TMEM44: variants seen among roughly 807,000 people sequenced by gnomAD.
TMEM44 encodes transmembrane protein 44.
TMEM44 carries 43 observed loss-of-function variants against 47.8 expected under a neutral mutation model. The ratio of observed to expected loss-of-function variants is 0.90; its 90% CI spans 0.70 to 1.16. The LOEUF is 1.16. Ranked by LOEUF, TMEM44 falls within the 50% of genes most tolerant of loss-of-function variation. The probability of loss-of-function intolerance (pLI) is 0.00; values close to 1 mark genes in which losing one functional copy is unlikely to be tolerated. For synonymous variants in TMEM44, 277 were observed against 238.8 expected, an observed-to-expected ratio of 1.16 and a Z score of -1.48; for missense variants, 568 against 555.2, an observed-to-expected ratio of 1.02 and a Z score of -0.23.
chr3:194,590,738 T>C (rs915967005), intron 9 of TMEM44, among the ~76,000 whole-genome samples: 4 of 152,076 alleles, frequency 2.6e-5, no homozygotes, highest in African/African-American at 4.8e-5. Flanking sequence ...AGACCTAAGG[T>C]TTGGCATTTT....
intron 9 of TMEM44, among the ~76,000 whole-genome samples, chr3:194,598,344 G>A (rs185214429): frequency 1.6e-4 from 24 of 152,194 alleles, no homozygotes; most frequent in East Asian, 1.9e-4. Context: ...CCGTTTTCTC[G>A]TCTGTAAAAT....
rs114422445 is a variant in TMEM44 at position 194,622,968 on chromosome 3, T to C, written c.612+256A>G. 834 of 396,652 alleles carry C rather than the reference T, an allele frequency of 2.1e-3. 8 individuals are homozygous for C. Among genetic ancestry groups the C allele is most frequent in the African/African-American group, 0.017 (784 of 46,624 alleles). 24.6% of individuals were successfully genotyped at this position (396,652 alleles called of 1,614,324 possible). A position where few individuals can be genotyped will look rare whatever the true frequency, so the allele number is the denominator to read the frequency against. ...CTCAGAGCCTGCTTTTCATTTGCTA[T>C]AGGAAATGGGGAAGAACACACGGGC... On this transcript the variant is annotated intron_variant, in intron 5 of 9. Coordinates refer to ENST00000347147, the MANE Select transcript of TMEM44 (RefSeq NM_001011655.3).
At position 194,616,374 on chromosome 3, in the gene TMEM44, G is replaced by T. The variant is rs564298487; in HGVS notation, c.784-677C>A. ...GCCCAGACTGTGACCTTATTCGGAAGTAGGGTCCTTGCTGATACAATTAGA... is the reference window on the plus strand; with the variant it reads ...GCCCAGACTGTGACCTTATTCGGAATTAGGGTCCTTGCTGATACAATTAGA... On this transcript the variant is annotated intron_variant, in intron 6 of 9. Coordinates refer to ENST00000347147, the MANE Select transcript of TMEM44 (RefSeq NM_001011655.3). The T allele has an allele frequency of 1.5e-4, 49 of 332,570 alleles. 1 individual carries two copies. Among genetic ancestry groups the T allele is most frequent in the South Asian group, 1.1e-3 (49 of 43,682 alleles). The allele number at this position is 332,570 out of a possible 1,614,324, so 20.6% of individuals were successfully genotyped here.
Position 194,588,521 on chromosome 3 carries a change from A to G in TMEM44, c.*8T>C. ...GGCTCTGAGCTGATGAGCTGGCTCC[A>G]GAAGGTGTTAATCATCATCACTCAG... On this transcript the variant is annotated 3_prime_UTR_variant, in exon 10 of 10. Transcript: ENST00000347147. The G allele has an allele frequency of 1.2e-6, 2 of 1,613,374 alleles. No homozygotes were observed. The highest frequency in any genetic ancestry group is 1.7e-6 in the Non-Finnish European group (2 of 1,179,416).
At chr3:194,601,709 A>G (rs998739987) in intron 9 of TMEM44, among the ~76,000 whole-genome samples, 37 of 151,762 alleles carry the variant, frequency 2.4e-4, no homozygotes, top group African/African-American at 8.5e-4. Context: ...CTGCCTCCCA[A>G]AAAGTGCTAG....
chr3:194,619,064 C>T (rs1176010075), intron 5 of TMEM44, among the ~76,000 whole-genome samples: 1 of 152,268 alleles, frequency 6.6e-6, no homozygotes, highest in African/African-American at 2.4e-5. Context: ...CCTAACCACC[C>T]ACCACCATGT....
intron 9 of TMEM44, among the ~76,000 whole-genome samples, chr3:194,599,403 C>T (rs181257076): frequency 4.5e-4 from 68 of 152,266 alleles, no homozygotes; most frequent in Non-Finnish European, 7.9e-4. Flanking sequence ...CGCCCACCTT[C>T]GGCCGCAGAC....
At chr3:194,620,056 C>T (rs559159158) in intron 5 of TMEM44, among the ~76,000 whole-genome samples, 18 of 152,152 alleles carry the variant, frequency 1.2e-4, no homozygotes, top group Admixed American at 9.2e-4. Context: ...TTTGGAAGGC[C>T]GAGGCGGGTG....
intron 1 of TMEM44, among the ~76,000 whole-genome samples, chr3:194,632,125 A>T (rs1717885369): frequency 6.6e-6 from 1 of 152,168 alleles, no homozygotes; most frequent in Non-Finnish European, 1.5e-5. Flanking sequence ...GGTTCCCTAC[A>T]GAAAGTGGGG....
chr3:194,606,952 C>CAAAAAAAAA (rs561876150), intron 8 of TMEM44, among the ~76,000 whole-genome samples: 4,415 of 111,282 alleles, frequency 0.04, 425 homozygotes, highest in East Asian at 0.14. Flanking sequence ...GACTCTGCCT[C>CAAAAAAAAA]AAAAAAAAAA....
At chr3:194,624,243 G>A (rs1419734370) in intron 3 of TMEM44, among the ~76,000 whole-genome samples, 5 of 152,124 alleles carry the variant, frequency 3.3e-5, no homozygotes, top group Non-Finnish European at 7.4e-5. Context: ...TGCCCAGGCT[G>A]GACTTGAACT....
At chr3:194,616,508 C>A (rs1243194036) in intron 6 of TMEM44, 1 of 448,168 alleles carries the variant, frequency 2.2e-6, no homozygotes, top group Non-Finnish European at 4.5e-6. Context: ...ACATGAAGGG[C>A]AAGGCAGAAA....
At chr3:194,617,660 C>G (rs1174217531) in intron 5 of TMEM44, 1 of 704,078 alleles carries the variant, frequency 1.4e-6, no homozygotes. Flanking sequence ...GCACCTGACG[C>G]TGGGCAGCGG....
rs368081316 is a variant in TMEM44, at chr3:194,617,115, G to A, written c.767C>T (p.Ala256Val). Residue 256 changes from alanine (A) to valine (V), a missense_variant, in exon 6 of 10, where the codon GCG becomes GTG. Transcript: ENST00000347147. ...TPWFLTSLGR[A>V]ALDLAIIFLS... ...GGTGGATACAGCGAGGTCCAGTGCC[G>A]CACGGCCGAGGGAGGTCAGGAACCA... is the stretch of plus-strand genomic sequence containing the variant. 7.8e-6 allele frequency: 12 copies of A among 1,547,826 alleles called. No individual in the cohort carries two copies. The highest frequency in any genetic ancestry group is 2.7e-5 in the African/African-American group (2 of 73,142).
At chr3:194,596,361 G>C (rs1469698711) in intron 9 of TMEM44, among the ~76,000 whole-genome samples, 1 of 152,218 alleles carries the variant, frequency 6.6e-6, no homozygotes, top group Non-Finnish European at 1.5e-5. Flanking sequence ...TGCCTCTAGA[G>C]ACTAAGAGTA....
chr3:194,593,088 G>C (rs773934201), intron 9 of TMEM44: 2 of 1,613,188 alleles, frequency 1.2e-6, no homozygotes, highest in Non-Finnish European at 8.5e-7. Context: ...AGAATAAAAA[G>C]AGAGACAGAA....
At chr3:194,628,170 A>G (rs1305501031) in intron 2 of TMEM44, among the ~76,000 whole-genome samples, 1 of 152,214 alleles carries the variant, frequency 6.6e-6, no homozygotes, top group Non-Finnish European at 1.5e-5. Context: ...CTTTTGAGCA[A>G]AGACGTGAAG....
In TMEM44 at chr3:194,628,431, A is replaced by C. The variant is rs1470622037; in HGVS notation, c.216T>G (p.Ser72Arg). ...ALCAACCLLT[S>R]LCDTVGALLA... ...GAAGAGCCCCGACGGTGTCACACAG[A>C]CTGGTCAGGAGGCAGCACGCAGCAC... The change falls in exon 2 of 10, where the codon AGT becomes AGG. Residue 72 changes from serine (S) to arginine (R), a missense_variant. Ser to Arg is a moderately radical substitution (Grantham distance 110, BLOSUM62 -1). Coordinates refer to ENST00000347147, the MANE Select transcript of TMEM44 (RefSeq NM_001011655.3). 1 of 1,613,164 alleles carries C rather than the reference A, an allele frequency of 6.2e-7. No homozygotes were observed. Among genetic ancestry groups the C allele is most frequent in the African/African-American group, 1.3e-5 (1 of 74,918 alleles).
At chr3:194,632,126 G>T (rs923091548) in intron 1 of TMEM44, among the ~76,000 whole-genome samples, 6 of 152,180 alleles carry the variant, frequency 3.9e-5, no homozygotes, top group African/African-American at 1.2e-4. Context: ...GTTCCCTACA[G>T]AAAGTGGGGG....
Sources: gnomAD v4.1 joint callset for allele counts (sites outside exome capture counted in the v4.1 genomes callset) on GRCh38, gnomAD v4.1.1 for gene constraint, MANE v1.5 for transcripts, NCBI Gene and HGNC (gene_info 2026-07-23, HGNC 2026-07-21) for gene names.